The following RGL1 variants were observed in gnomAD, a reference collection of about 807,000 sequenced individuals.
RGL1 encodes the protein ral guanine nucleotide dissociation stimulator like 1, also known as ral guanine nucleotide dissociation stimulator-like 1.
RGL1 carries 24 observed loss-of-function variants against 95.2 expected under a neutral mutation model. That is an observed-to-expected ratio of 0.25 (90% CI 0.18 to 0.35). The LOEUF (loss-of-function observed/expected upper bound fraction) is 0.35, where lower values mean the gene tolerates loss of function less well. Ranked by LOEUF, RGL1 falls within the 10% of genes least tolerant of loss-of-function variation. The pLI is 1.00. For missense variants in RGL1, 715 were observed against 936.3 expected (o/e 0.76, Z 3.08); for synonymous variants, 329 against 344.9 (o/e 0.95, Z 0.51).
At chr1:183,803,870 T>C (rs1394317302), upstream of RGL1, among the ~76,000 whole-genome samples, 2 of 152,196 alleles carry the variant, frequency 1.3e-5, no homozygotes, top group Non-Finnish European at 2.9e-5. Context: ...CTGATCATCA[T>C]AGAAGGATTT....
intron 1 of RGL1, among the ~76,000 whole-genome samples, chr1:183,805,757 A>G (rs1441708105): frequency 1.3e-5 from 2 of 152,152 alleles, no homozygotes; most frequent in African/African-American, 4.8e-5. Context: ...TTTTACGGAA[A>G]TAAAAACTTT....
chr1:183,926,293 AGG>A lies in RGL1; in HGVS notation c.*3_*4del. 1 of 1,606,900 alleles carries A rather than the reference AGG, an allele frequency of 6.2e-7. No individual in the cohort carries two copies. Among genetic ancestry groups the A allele is most frequent in the South Asian group, 1.1e-5 (1 of 90,372 alleles). ...CAGACACAGCAAAATCACCCTCTGAAGGGAGGGACCAGTGGCCCCTTGTTTGC... is the reference window on the plus strand; with the variant it reads ...CAGACACAGCAAAATCACCCTCTGAAGAGGGACCAGTGGCCCCTTGTTTGC... On this transcript the variant is annotated 3_prime_UTR_variant, in exon 18 of 18. Transcript: ENST00000360851.
Position 183,902,613 on chromosome 1 carries a change from G to A in RGL1, c.1350+13G>A. The A allele has an allele frequency of 1.2e-6, 2 of 1,608,502 alleles. No homozygotes were observed. Among genetic ancestry groups the A allele is most frequent in the Non-Finnish European group, 1.7e-6 (2 of 1,178,244 alleles). On this transcript the variant is annotated intron_variant, in intron 12 of 17. Transcript: ENST00000360851. ...GAAAAGGAGAAGGGTAAGTAGAGTT[G>A]TTGGCTGTGTTTCCTTTGTCTGAGC...
At chr1:183,744,331 A>G (rs1283574453) in intron 2 of RGL1, among the ~76,000 whole-genome samples, 1 of 151,644 alleles carries the variant, frequency 6.6e-6, no homozygotes, top group Non-Finnish European at 1.5e-5. Context: ...TTTTTTTTAA[A>G]GAAATAAACT....
At chr1:183,853,306 G>T (rs1664940844) in intron 3 of RGL1, among the ~76,000 whole-genome samples, 2 of 152,068 alleles carry the variant, frequency 1.3e-5, no homozygotes, top group Non-Finnish European at 2.9e-5. Flanking sequence ...TCCAGCCTGG[G>T]TAACAAAGCG....
chr1:183,844,336 T>C (rs1021002179), intron 2 of RGL1, among the ~76,000 whole-genome samples: 1 of 152,204 alleles, frequency 6.6e-6, no homozygotes, highest in Admixed American at 6.5e-5. Context: ...AAGTGGTAAA[T>C]ATGAGTTAAG....
rs1369618432 is a variant in RGL1, at chr1:183,805,234, C to T, written c.-64C>T. The T allele has an allele frequency of 1.9e-6, 3 of 1,597,806 alleles. No homozygotes were observed. Among genetic ancestry groups the T allele is most frequent in the Non-Finnish European group, 2.6e-6 (3 of 1,172,836 alleles). On this transcript the variant is annotated 5_prime_UTR_variant, in exon 1 of 18. Coordinates refer to ENST00000360851, the MANE Select transcript of RGL1 (RefSeq NM_001297671.3). ...GCGCCGCGGGGCTGAGCCCAGCAGACATTGCGTTGGCCTCCGAGCAGGGCG... is the reference window on the plus strand; with the variant it reads ...GCGCCGCGGGGCTGAGCCCAGCAGATATTGCGTTGGCCTCCGAGCAGGGCG...
At chr1:183,638,426 A>G (rs1394086780) in intron 1 of RGL1, among the ~76,000 whole-genome samples, 3 of 152,212 alleles carry the variant, frequency 2.0e-5, no homozygotes, top group African/African-American at 7.2e-5. Flanking sequence ...TGATTTAATG[A>G]TCTGACAAGT....
In RGL1 at chr1:183,725,761, A is replaced by C. The variant is rs190165854; in HGVS notation, c.-32-16365A>C. Among the ~76,000 whole-genome samples, 453 of 152,346 alleles carry C rather than the reference A, an allele frequency of 3.0e-3. 1 individual carries two copies. The highest frequency in any genetic ancestry group is 0.011 in the African/African-American group (440 of 41,586). On this transcript the variant is annotated intron_variant, in intron 1 of 18. Transcript: ENST00000304685. ...ACCACTCCTTTTAGTAATTAATAGA[A>C]CAAGTCAACAAATAGAAATATGGAA...
chr1:183,824,103 G>T (rs184549082), intron 2 of RGL1, among the ~76,000 whole-genome samples: 117 of 151,812 alleles, frequency 7.7e-4, no homozygotes, highest in Middle Eastern at 3.4e-3. Context: ...TATTTTTCTC[G>T]GTGATTTTAT....
At chr1:183,720,422 A>G (rs1428639961) in intron 1 of RGL1, among the ~76,000 whole-genome samples, 1 of 152,176 alleles carries the variant, frequency 6.6e-6, no homozygotes, top group Non-Finnish European at 1.5e-5. Flanking sequence ...CTTTGTTACC[A>G]TTCTTTTTAT....
At chr1:183,889,700 A>G in intron 8 of RGL1, among the ~76,000 whole-genome samples, 1 of 152,166 alleles carries the variant, frequency 6.6e-6, no homozygotes, top group East Asian at 1.9e-4. Flanking sequence ...CAAATTATTT[A>G]TTAGGTGATT....
upstream of RGL1, among the ~76,000 whole-genome samples, chr1:183,801,179 TTAA>T (rs1362017788): frequency 7.9e-6 from 1 of 126,174 alleles, no homozygotes; most frequent in African/African-American, 3.4e-5. Context: ...GTGTGTGTGT[TTAA>T]TAATGGCCAC....
At chr1:183,878,325 C>T (rs1666638535) in intron 4 of RGL1, among the ~76,000 whole-genome samples, 1 of 151,952 alleles carries the variant, frequency 6.6e-6, no homozygotes, top group Non-Finnish European at 1.5e-5. Flanking sequence ...GCCTCCTGAG[C>T]AGCTGGGACT....
rs1157963595 is a variant in RGL1 at position 183,880,704 on chromosome 1, C to T, written c.514C>T (p.Leu172=). 6.2e-7 allele frequency: 1 copy of T among 1,613,908 alleles called. No individual in the cohort carries two copies. The highest frequency in any genetic ancestry group is 8.5e-7 in the Non-Finnish European group (1 of 1,179,834). The change falls in exon 5 of 18, where the codon CTG becomes TTG. Residue 172 remains leucine (L), a synonymous_variant. Coordinates refer to ENST00000360851, the MANE Select transcript of RGL1 (RefSeq NM_001297671.3). The part of the protein sequence containing the change: ...PPHFPCLQKL[L]DYLTRMMPGS... ...TCACTTCCCTTGCTTACAGAAACTG[C>T]TGGATTATCTCACACGGATGATGCC...
At chr1:183,772,942 G>A (rs961591747) in intron 2 of RGL1, among the ~76,000 whole-genome samples, 1 of 148,276 alleles carries the variant, frequency 6.7e-6, no homozygotes, top group African/African-American at 2.5e-5. Flanking sequence ...CCGGGAAGCG[G>A]AGCTTGCAGT....
chr1:183,907,322 CA>C lies in RGL1; in HGVS notation c.1562+222del, dbSNP rs1668394297. On this transcript the variant is annotated intron_variant, in intron 14 of 17. Coordinates refer to ENST00000360851, the MANE Select transcript of RGL1 (RefSeq NM_001297671.3). ...AATCACCATTCTCTCCTGCCTGAAT[CA>C]CTCCAGTAACATCTTCACTGTCTTC... Among the ~76,000 whole-genome samples the C allele has an allele frequency of 4.6e-5, 7 of 152,366 alleles. 1 individual carries two copies. Among genetic ancestry groups the C allele is most frequent in the Admixed American group, 3.9e-4 (6 of 15,300 alleles).
intron 2 of RGL1, among the ~76,000 whole-genome samples, chr1:183,775,443 T>C (rs920695963): frequency 2.6e-5 from 4 of 152,234 alleles, no homozygotes; most frequent in Non-Finnish European, 4.4e-5. Context: ...ACTTAATTGA[T>C]GTTTGTTAAA....
intron 1 of RGL1, among the ~76,000 whole-genome samples, chr1:183,691,232 T>C (rs1423454609): frequency 6.6e-6 from 1 of 152,226 alleles, no homozygotes; most frequent in East Asian, 1.9e-4. Flanking sequence ...ATGCGGATTC[T>C]TTTAATATTG....
Sources: gnomAD v4.1 joint callset for allele counts (sites outside exome capture counted in the v4.1 genomes callset) on GRCh38, gnomAD v4.1.1 for gene constraint, MANE v1.5 for transcripts, NCBI Gene and HGNC (gene_info 2026-07-23, HGNC 2026-07-21) for gene names.